The following URI1 variants were observed in gnomAD, a reference collection of about 807,000 sequenced individuals.
URI1 encodes the protein unconventional prefoldin RPB5 interactor 1.
In URI1, 39 loss-of-function variants were observed where a neutral mutation model predicts 60.2. The observed-to-expected ratio is 0.65, with a 90% CI of 0.50 to 0.85. The LOEUF is 0.85. Among genes scored for constraint, URI1 ranks in the 40% least tolerant of loss-of-function variants. The probability of loss-of-function intolerance (pLI) is 0.00; values close to 1 mark genes in which losing one functional copy is unlikely to be tolerated. For missense variants in URI1, 691 were observed against 665.9 expected, an observed-to-expected ratio of 1.04 and a Z score of -0.42; for synonymous variants, 251 against 236.8, an observed-to-expected ratio of 1.06 and a Z score of -0.55.
chr19:29,956,919 T>A, intron 1 of URI1: 1 of 1,107,758 alleles, frequency 9.0e-7, no homozygotes. Flanking sequence ...ATGATAACTG[T>A]GCGTCCCTTC....
intron 4 of URI1, among the ~76,000 whole-genome samples, chr19:29,989,275 T>A (rs1056024294): frequency 1.3e-5 from 2 of 151,920 alleles, no homozygotes; most frequent in African/African-American, 4.8e-5. Context: ...CATGCCCGGC[T>A]AATTTTTTTG....
At chr19:29,984,933 A>C (rs2055644100) in intron 2 of URI1, among the ~76,000 whole-genome samples, 1 of 151,958 alleles carries the variant, frequency 6.6e-6, no homozygotes, top group Admixed American at 6.6e-5. Context: ...CAGCCTGACC[A>C]ACATGGTGAA....
At chr19:29,971,415 A>G (rs1371675098) in intron 2 of URI1, among the ~76,000 whole-genome samples, 188 bp downstream of exon 2, 1 of 151,930 alleles carries the variant, frequency 6.6e-6, no homozygotes, top group Non-Finnish European at 1.5e-5. Context: ...TGAATTACAC[A>G]TTTCTGATTT....
intron 1 of URI1, among the ~76,000 whole-genome samples, chr19:29,950,129 G>T (rs2055161627): frequency 6.6e-6 from 1 of 152,166 alleles, no homozygotes; most frequent in South Asian, 2.1e-4. Context: ...GCCATAAGAA[G>T]AGACAACTTT....
intron 2 of URI1, among the ~76,000 whole-genome samples, chr19:29,974,373 G>A (rs909283791): frequency 1.3e-5 from 2 of 151,618 alleles, no homozygotes; most frequent in Non-Finnish European, 2.9e-5. Context: ...TTGTCATGAT[G>A]GAGAGAGAGT....
At chr19:29,944,355 C>G (rs1394456986) in intron 1 of URI1, among the ~76,000 whole-genome samples, 1 of 150,820 alleles carries the variant, frequency 6.6e-6, no homozygotes, top group Non-Finnish European at 1.5e-5. Flanking sequence ...GACACAGACC[C>G]TCAGAGGATG....
intron 1 of URI1, among the ~76,000 whole-genome samples, chr19:29,936,458 C>T (rs1019260020): frequency 1.3e-5 from 2 of 152,178 alleles, no homozygotes; most frequent in African/African-American, 2.4e-5. Flanking sequence ...ACTCCTTGTA[C>T]CTTACAAGTT....
Position 29,942,604 on chromosome 19 carries a change from C to T in URI1, c.57C>T (p.Ala19=). Residue 19 remains alanine, a synonymous_variant, in exon 1 of 11, where the codon GCC becomes GCT. Coordinates refer to ENST00000392271, the MANE Select transcript of URI1 (RefSeq NM_003796.3). ...ACCCCTCGCCCCCTTCGGCCCCGGC[C>T]CCTGCCCTGGTTCCGTTGCGCGCCC... ...PPDPSPPSAP[A]PALVPLRAPD... 1.4e-6 allele frequency: 2 copies of T among 1,473,502 alleles called. No individual in the cohort carries two copies. The allele number at this position is 1,473,502 out of a possible 1,614,324, so 91.3% of individuals were successfully genotyped here. A position where few individuals can be genotyped will look rare whatever the true frequency, so the allele number is the denominator to read the frequency against.
intron 8 of URI1, among the ~76,000 whole-genome samples, 155 bp from the exon 9 acceptor site, chr19:30,010,939 A>T (rs983421354): frequency 5.3e-5 from 8 of 152,174 alleles, no homozygotes; most frequent in Non-Finnish European, 1.2e-4. Context: ...AGGACTTTTT[A>T]AAAAATTCCA....
Position 29,923,772 on chromosome 19 carries a change from A to G in URI1, c.63+18A>G, listed in dbSNP as rs1245700085. The G allele has an allele frequency of 8.5e-6, 13 of 1,535,170 alleles. No individual in the cohort carries two copies. The East Asian group carries it at 1.7e-4, about 20-fold the overall frequency. On this transcript the variant is annotated intron_variant, in intron 1 of 10. Transcript: ENST00000360605. ...ATGCATTGGTGAGTTGAAGCTTGAC[A>G]GTGTTATAGCTTCTCTGCTGTTAGT...
chr19:30,008,190 C>T (rs1384415004), intron 7 of URI1, among the ~76,000 whole-genome samples: 2 of 152,124 alleles, frequency 1.3e-5, no homozygotes, highest in South Asian at 2.1e-4. Context: ...CACATTAGCA[C>T]ACACTTAGAA....
chr19:29,963,137 C>G (rs897088050), intron 1 of URI1, among the ~76,000 whole-genome samples: 1 of 152,176 alleles, frequency 6.6e-6, no homozygotes, highest in Admixed American at 6.5e-5. Flanking sequence ...CTTGGAGTTT[C>G]TTCAGTCTAT....
At chr19:29,943,232 T>G (rs988873038) in intron 1 of URI1, among the ~76,000 whole-genome samples, 2 of 152,138 alleles carry the variant, frequency 1.3e-5, no homozygotes, top group Non-Finnish European at 2.9e-5. Flanking sequence ...AGTGTTGGGA[T>G]TATAGGCCTG....
chr19:30,012,531 GGTGTGT>G lies in URI1; in HGVS notation c.1425+7_1425+12del. 6.2e-7 allele frequency: 1 copy of G among 1,613,450 alleles called. No homozygotes were observed. The highest frequency in any genetic ancestry group is 1.1e-5 in the South Asian group (1 of 91,024). On this transcript the variant is annotated splice_donor_variant and splice_donor_5th_base_variant and intron_variant, in intron 10 of 10. Coordinates refer to ENST00000392271, the MANE Select transcript of URI1 (RefSeq NM_003796.3). LOFTEE classifies it high-confidence loss of function. ...TTTTGCCCTTATCAGTAACACCTGAGGTGTGTGTGTGTATCTTTTAATTCTTTATTT... is the reference window on the plus strand; with the variant it reads ...TTTTGCCCTTATCAGTAACACCTGAGGTGTGTATCTTTTAATTCTTTATTT...
At chr19:29,971,148 G>T (rs759388551) in intron 1 of URI1, 45 bp from the exon 2 acceptor site, 3 of 1,597,676 alleles carry the variant, frequency 1.9e-6, no homozygotes, top group South Asian at 2.2e-5. Flanking sequence ...GTAGCTCTGT[G>T]CATAGCTCTG....
chr19:29,995,800 A>C (rs895145390), intron 4 of URI1, among the ~76,000 whole-genome samples: 2 of 151,900 alleles, frequency 1.3e-5, no homozygotes, highest in African/African-American at 4.8e-5. Flanking sequence ...TTGTAAGGTA[A>C]GGGTCCAACT....
chr19:29,954,103 A>G (rs904301371), intron 1 of URI1, among the ~76,000 whole-genome samples: 1 of 152,192 alleles, frequency 6.6e-6, no homozygotes, highest in Non-Finnish European at 1.5e-5. Context: ...TCATAGTGAA[A>G]ACCTTGGTTC....
chr19:29,946,407 A>G (rs1446569879), intron 1 of URI1, among the ~76,000 whole-genome samples: 1 of 152,204 alleles, frequency 6.6e-6, no homozygotes, highest in Admixed American at 6.5e-5. Flanking sequence ...AGATACTATT[A>G]GCTTTTATTA....
upstream of URI1, among the ~76,000 whole-genome samples, chr19:29,940,016 G>A (rs1177650659): frequency 6.6e-6 from 1 of 152,178 alleles, no homozygotes; most frequent in Non-Finnish European, 1.5e-5. Flanking sequence ...ACTGCTGAGT[G>A]GATAATAGTT....
Sources: gnomAD v4.1 joint callset for allele counts (sites outside exome capture counted in the v4.1 genomes callset) on GRCh38, gnomAD v4.1.1 for gene constraint, MANE v1.5 for transcripts, NCBI Gene and HGNC (gene_info 2026-07-23, HGNC 2026-07-21) for gene names.